LOC128706666: variants seen among roughly 807,000 people sequenced by gnomAD.
the LOC128706666 span, among the ~76,000 whole-genome samples, chr20:10,418,423 A>G: frequency 6.6e-6 from 1 of 152,220 alleles, no homozygotes; most frequent in Non-Finnish European, 1.5e-5. Context: ...AATGAAAATA[A>G]GAATAGAAAA....
At chr20:10,413,944 A>T in the LOC128706666 span, 1 of 403,502 alleles carries the variant, frequency 2.5e-6, no homozygotes, top group Non-Finnish European at 4.4e-6. Flanking sequence ...AATAAATAAT[A>T]AAAAAAACAT....
chr20:10,426,399 T>C, the LOC128706666 span, among the ~76,000 whole-genome samples: 1 of 150,418 alleles, frequency 6.6e-6, no homozygotes, highest in East Asian at 2.0e-4. Context: ...GCATCATGCC[T>C]GGCATGTTGT....
At chr20:10,431,302 A>C in the LOC128706666 span, among the ~76,000 whole-genome samples, 1 of 152,166 alleles carries the variant, frequency 6.6e-6, no homozygotes, top group African/African-American at 2.4e-5. Context: ...CATGTATCCC[A>C]CATTCACAAT....
the LOC128706666 span, among the ~76,000 whole-genome samples, chr20:10,425,594 G>A: frequency 2.6e-5 from 4 of 152,206 alleles, no homozygotes; most frequent in Non-Finnish European, 4.4e-5. Context: ...CCTTGAGATG[G>A]TCCTTCCCTC....
the LOC128706666 span, among the ~76,000 whole-genome samples, chr20:10,423,640 G>A: frequency 6.6e-6 from 1 of 151,996 alleles, no homozygotes; most frequent in African/African-American, 2.4e-5. Flanking sequence ...AATTATATAG[G>A]GTTAGCTCCC....
the LOC128706666 span, among the ~76,000 whole-genome samples, chr20:10,431,219 C>A: frequency 6.6e-6 from 1 of 152,050 alleles, no homozygotes; most frequent in Non-Finnish European, 1.5e-5. Context: ...ATATTATCAT[C>A]GAATATTTTG....
the LOC128706666 span, among the ~76,000 whole-genome samples, chr20:10,421,416 CA>C: frequency 0.1 from 8,968 of 86,070 alleles, 243 homozygotes; most frequent in Non-Finnish European, 0.14. Context: ...GACTCCATCA[CA>C]AAAAAAAAAA....
the LOC128706666 span, among the ~76,000 whole-genome samples, chr20:10,417,148 G>A: frequency 0.012 from 1,862 of 151,128 alleles, 40 homozygotes; most frequent in African/African-American, 0.042. Flanking sequence ...TTACTCGGGA[G>A]GTTGAAGCAG....
chr20:10,422,892 T>TC, the LOC128706666 span, among the ~76,000 whole-genome samples: 1 of 152,054 alleles, frequency 6.6e-6, no homozygotes, highest in South Asian at 2.1e-4. Context: ...TTTGTATTTT[T>TC]AGTAGAGACA....
At chr20:10,431,814 G>A in the LOC128706666 span, 1 of 152,108 alleles carries the variant, frequency 6.6e-6, no homozygotes, top group African/African-American at 2.4e-5. Context: ...AGAGAATCTT[G>A]TCCCCTTTGG....
the LOC128706666 span, among the ~76,000 whole-genome samples, chr20:10,432,903 A>G: frequency 6.6e-6 from 1 of 152,120 alleles, no homozygotes; most frequent in East Asian, 1.9e-4. Context: ...ACAACGTTAA[A>G]TGCTATGTAA....
chr20:10,420,689 C>T, the LOC128706666 span: 1 of 152,200 alleles, frequency 6.6e-6, no homozygotes, highest in Admixed American at 6.5e-5. Context: ...ACTAAAGGGA[C>T]CATAACAACC....
At chr20:10,422,965 C>A in the LOC128706666 span, among the ~76,000 whole-genome samples, 1 of 152,142 alleles carries the variant, frequency 6.6e-6, no homozygotes, top group East Asian at 1.9e-4. Flanking sequence ...CTCGCCTCGG[C>A]CTCCCAAAGT....
the LOC128706666 span, chr20:10,413,863 T>C: frequency 1.5e-3 from 656 of 437,054 alleles, 2 homozygotes; most frequent in African/African-American, 0.011. Flanking sequence ...AGCCAGTTCT[T>C]TCTAATCCAA....
the LOC128706666 span, among the ~76,000 whole-genome samples, chr20:10,426,128 T>C: frequency 6.6e-6 from 1 of 152,238 alleles, no homozygotes; most frequent in Non-Finnish European, 1.5e-5. Flanking sequence ...CATAGCAACT[T>C]TATGAGATCA....
the LOC128706666 span, among the ~76,000 whole-genome samples, chr20:10,430,423 TTG>T: frequency 1.3e-5 from 2 of 151,590 alleles, no homozygotes; most frequent in South Asian, 4.2e-4. Context: ...ACTTGGCACT[TTG>T]TCTGGGCTCA....
At chr20:10,421,266 C>T in the LOC128706666 span, among the ~76,000 whole-genome samples, 1 of 140,030 alleles carries the variant, frequency 7.1e-6, no homozygotes, top group Non-Finnish European at 1.5e-5. Flanking sequence ...ATCGTTTCTA[C>T]TAAAAGTATT....
the LOC128706666 span, among the ~76,000 whole-genome samples, chr20:10,423,805 G>A: frequency 1.3e-5 from 2 of 152,128 alleles, no homozygotes; most frequent in African/African-American, 4.8e-5. Flanking sequence ...AGTTAAACCT[G>A]GAAATCAGTA....
the LOC128706666 span, among the ~76,000 whole-genome samples, chr20:10,430,946 G>A: frequency 2.6e-5 from 4 of 152,166 alleles, no homozygotes; most frequent in Non-Finnish European, 5.9e-5. Context: ...ATTGAGTAAT[G>A]GCGAGAATCA....
Sources: gnomAD v4.1 joint callset for allele counts (sites outside exome capture counted in the v4.1 genomes callset) on GRCh38, gnomAD v4.1.1 for gene constraint, MANE v1.5 for transcripts.